CDH18: variants seen among roughly 807,000 people sequenced by gnomAD.
The protein encoded by CDH18 is cadherin-18.
A neutral mutation model predicts 67.9 loss-of-function variants in CDH18; 31 were observed. The observed-to-expected ratio is 0.46, with a 90% CI of 0.34 to 0.62. The LOEUF (loss-of-function observed/expected upper bound fraction) is 0.62, where lower values mean the gene tolerates loss of function less well. CDH18 is among the 20% of genes least tolerant of loss of function. The probability of loss-of-function intolerance (pLI) is 0.01; values close to 1 mark genes in which losing one functional copy is unlikely to be tolerated. For missense variants in CDH18, 890 were observed against 975.5 expected (o/e 0.91, Z 1.17); for synonymous variants, 362 against 347.2 (o/e 1.04, Z -0.48).
rs375417240 is a variant in CDH18, at chr5:20,387,616, T to C, written c.-579-132111A>G. ...CTTCCAACACTATGTTGAATAGGAG[T>C]GGTGAGAGAGGGCATCCCTGTCTTG... is the stretch of plus-strand genomic sequence containing the variant. On this transcript the variant is annotated intron_variant, in intron 1 of 14. Transcript: ENST00000507958. Among the ~76,000 whole-genome samples the C allele has an allele frequency of 1.5e-3, 229 of 151,900 alleles. 4 individuals are homozygous for C. In the South Asian group the frequency reaches 0.042, roughly 28 times the overall value.
chr5:19,585,285 T>C (rs531095680), intron 7 of CDH18, among the ~76,000 whole-genome samples: 15 of 152,326 alleles, frequency 9.8e-5, no homozygotes, highest in Admixed American at 3.3e-4. Context: ...CTACAACTGA[T>C]AGTCATACTT....
At chr5:19,755,996 T>C (rs919964583) in intron 3 of CDH18, among the ~76,000 whole-genome samples, 6 of 152,178 alleles carry the variant, frequency 3.9e-5, no homozygotes, top group Non-Finnish European at 7.3e-5. Context: ...TCCAATCAAG[T>C]TGACACTCAG....
At chr5:20,010,478 G>A (rs34014982) in intron 2 of CDH18, among the ~76,000 whole-genome samples, 1 of 151,890 alleles carries the variant, frequency 6.6e-6, no homozygotes, top group Non-Finnish European at 1.5e-5. Flanking sequence ...CAAAGTTCCG[G>A]GATTAGAAGT....
chr5:19,977,366 C>T (rs558952173), intron 2 of CDH18, among the ~76,000 whole-genome samples: 196 of 152,170 alleles, frequency 1.3e-3, no homozygotes, highest in African/African-American at 4.6e-3. Context: ...CTCATTTGCA[C>T]GTTTTTTATT....
chr5:19,606,269 T>C (rs1158810842), intron 6 of CDH18, among the ~76,000 whole-genome samples: 1 of 152,124 alleles, frequency 6.6e-6, no homozygotes, highest in African/African-American at 2.4e-5. Context: ...AACTCCTTTA[T>C]GTAATGTTCA....
At chr5:20,452,282 G>A (rs1317425643) in intron 1 of CDH18, among the ~76,000 whole-genome samples, 1 of 151,928 alleles carries the variant, frequency 6.6e-6, no homozygotes, top group African/African-American at 2.4e-5. Context: ...TGTGTTTTTT[G>A]TATTATCTTG....
intron 2 of CDH18, among the ~76,000 whole-genome samples, chr5:20,020,971 A>G (rs1225757345): frequency 1.1e-4 from 16 of 151,682 alleles, no homozygotes; most frequent in Admixed American, 1.1e-3. Flanking sequence ...AAGGGACTTG[A>G]GCCTTGCAGA....
intron 1 of CDH18, among the ~76,000 whole-genome samples, chr5:20,352,058 A>T (rs1456559022): frequency 6.6e-6 from 1 of 152,142 alleles, no homozygotes; most frequent in Non-Finnish European, 1.5e-5. Context: ...TTCAGCAAAA[A>T]ATCTGCATCA....
chr5:20,325,418 C>T (rs1738470970), intron 1 of CDH18, among the ~76,000 whole-genome samples: 2 of 152,116 alleles, frequency 1.3e-5, no homozygotes, highest in African/African-American at 4.8e-5. Flanking sequence ...GGGCTATACA[C>T]GTATCATGTC....
intron 2 of CDH18, among the ~76,000 whole-genome samples, chr5:20,172,223 T>TACATATATATAC (rs1554098639): frequency 6.8e-5 from 3 of 43,924 alleles, no homozygotes; most frequent in Non-Finnish European, 1.2e-4. Flanking sequence ...TATATATATA[T>TACATATATATAC]GTATATATAT....
rs1009931864 is a variant in CDH18 at position 19,531,606 on chromosome 5, T to TTC, written c.1391-10830_1391-10829dup. ...TACCCAAGACAAGTTAAAATGTGTG[T>TTC]TCTCACACACACACACACACACACA... On this transcript the variant is annotated intron_variant, in intron 9 of 12. Coordinates refer to ENST00000382275, the MANE Select transcript of CDH18 (RefSeq NM_004934.5). Among the ~76,000 whole-genome samples the TTC allele has an allele frequency of 6.0e-5, 7 of 117,004 alleles. No homozygotes were observed. The South Asian group carries it at 1.2e-3, about 20-fold the overall frequency. 76.8% of individuals were successfully genotyped at this position (117,004 alleles called of 152,430 possible). A position where few individuals can be genotyped will look rare whatever the true frequency, so the allele number is the denominator to read the frequency against.
At chr5:19,915,680 T>C (rs2150150755) in intron 2 of CDH18, among the ~76,000 whole-genome samples, 1 of 152,206 alleles carries the variant, frequency 6.6e-6, no homozygotes, top group African/African-American at 2.4e-5. Context: ...ATAACATACA[T>C]ATATATCATT....
At chr5:20,115,342 G>C (rs562382431) in intron 2 of CDH18, among the ~76,000 whole-genome samples, 1 of 133,246 alleles carries the variant, frequency 7.5e-6, no homozygotes, top group Admixed American at 8.6e-5. Context: ...GTAGTGGCGC[G>C]ATCTCAGCTC....
Position 20,453,584 on chromosome 5 carries a change from T to C in CDH18, c.-580+121878A>G, listed in dbSNP as rs890701012. ...GTGTGTATATATATATGTGTGTGTG[T>C]GTGTGTGTATATGTATATATATGTG... On this transcript the variant is annotated intron_variant, in intron 1 of 14. Transcript: ENST00000507958. Among the ~76,000 whole-genome samples the C allele has an allele frequency of 5.3e-5, 8 of 151,988 alleles. No homozygotes were observed. The South Asian group carries it at 1.7e-3, about 32-fold the overall frequency.
chr5:19,649,660 C>T (rs1467605485), intron 5 of CDH18, among the ~76,000 whole-genome samples: 2 of 151,936 alleles, frequency 1.3e-5, no homozygotes, highest in Non-Finnish European at 2.9e-5. Flanking sequence ...TATTGGGTTT[C>T]AATGCCCACA....
At chr5:19,742,619 C>A (rs1435097909) in intron 4 of CDH18, among the ~76,000 whole-genome samples, 1 of 152,038 alleles carries the variant, frequency 6.6e-6, no homozygotes, top group African/African-American at 2.4e-5. Flanking sequence ...TTATCAGACA[C>A]CATATTGAAA....
chr5:20,355,661 T>C (rs1741550900), intron 1 of CDH18, among the ~76,000 whole-genome samples: 1 of 152,226 alleles, frequency 6.6e-6, no homozygotes, highest in African/African-American at 2.4e-5. Context: ...ATCTACCTCA[T>C]GATAAATTTT....
chr5:19,921,298 A>T (rs543692050), intron 2 of CDH18, among the ~76,000 whole-genome samples: 2 of 152,110 alleles, frequency 1.3e-5, no homozygotes, highest in Non-Finnish European at 2.9e-5. Context: ...TTGGGAGGCC[A>T]AGGCGGGCGG....
chr5:19,612,826 T>A (rs1262437799), intron 5 of CDH18, among the ~76,000 whole-genome samples: 1 of 152,104 alleles, frequency 6.6e-6, no homozygotes, highest in Non-Finnish European at 1.5e-5. Context: ...AAGATGTCTA[T>A]CTCTCTGCAT....
Sources: allele counts gnomAD v4.1 joint callset (sites outside exome capture counted in the v4.1 genomes callset), GRCh38; gene constraint gnomAD v4.1.1; transcripts MANE v1.5; gene names NCBI Gene and HGNC (gene_info 2026-07-23, HGNC 2026-07-21).